The following ABLIM1 variants were observed in gnomAD, a reference collection of about 807,000 sequenced individuals.
ABLIM1 encodes the protein actin-binding LIM protein 1.
ABLIM1 carries 40 observed loss-of-function variants against 107.0 expected under a neutral mutation model. That is an observed-to-expected ratio of 0.37 (90% confidence interval 0.29 to 0.49). The LOEUF (loss-of-function observed/expected upper bound fraction) is 0.49, where lower values mean the gene tolerates loss of function less well. Among genes scored for constraint, ABLIM1 ranks in the 20% least tolerant of loss-of-function variants. The pLI is 0.97. For synonymous variants in ABLIM1, 357 were observed against 357.3 expected (o/e 1.00, Z 0.01); for missense variants, 857 against 1,008.5 (o/e 0.85, Z 2.04).
rs990587967 is a variant in ABLIM1, at chr10:114,718,788, A to T, written c.-213+49273T>A. Among the ~76,000 whole-genome samples the T allele has an allele frequency of 9.2e-5, 14 of 152,362 alleles. No individual in the cohort carries two copies. The East Asian group carries it at 2.7e-3, about 29-fold the overall frequency. On this transcript the variant is annotated intron_variant, in intron 1 of 15. Transcript: ENST00000651092. Reference sequence around the variant, plus strand: ...CTTCGTATCACTCAATATTAATTTAATATAAATTCCACAACAACAACAAAA... The same window carrying T: ...CTTCGTATCACTCAATATTAATTTATTATAAATTCCACAACAACAACAAAA...
chr10:114,460,914 C>T (rs954180777), intron 12 of ABLIM1, among the ~76,000 whole-genome samples: 1 of 152,166 alleles, frequency 6.6e-6, no homozygotes, highest in Non-Finnish European at 1.5e-5. Context: ...AACTGTGTAA[C>T]TTTATAGGGC....
chr10:114,492,161 T>G (rs1196814600), intron 6 of ABLIM1, among the ~76,000 whole-genome samples: 1 of 151,824 alleles, frequency 6.6e-6, no homozygotes, highest in African/African-American at 2.4e-5. Context: ...TGGCTGCCAC[T>G]AACACACCAT....
At chr10:114,725,945 G>A (rs889880921) in intron 1 of ABLIM1, among the ~76,000 whole-genome samples, 1 of 151,868 alleles carries the variant, frequency 6.6e-6, no homozygotes, top group African/African-American at 2.4e-5. Flanking sequence ...ATGGGGTCTC[G>A]CTATTTGGCC....
At chr10:114,768,443 T>C (rs1377396375), upstream of ABLIM1, among the ~76,000 whole-genome samples, 3 of 151,804 alleles carry the variant, frequency 2.0e-5, no homozygotes, top group Non-Finnish European at 2.9e-5. Context: ...GTCTTCTTAA[T>C]AAGAAGAAAA....
At chr10:114,476,271 A>G (rs1461076499) in intron 8 of ABLIM1, among the ~76,000 whole-genome samples, 2 of 152,166 alleles carry the variant, frequency 1.3e-5, no homozygotes, top group Non-Finnish European at 2.9e-5. Flanking sequence ...AGTTATACCA[A>G]TCACAGGCAT....
rs1295009416 is a variant in ABLIM1, at chr10:114,437,833, T to A, written c.2223+11A>T. On this transcript the variant is annotated intron_variant, in intron 22 of 22. Transcript: ENST00000533213. Reference sequence around the variant, plus strand: ...CTGCAGTTGGGACTGGATTTTTCGGTTTTGTTTTACCTCCAGCCTGGTTCT... The same window carrying A: ...CTGCAGTTGGGACTGGATTTTTCGGATTTGTTTTACCTCCAGCCTGGTTCT... 5.6e-6 allele frequency: 9 copies of A among 1,613,240 alleles called. No homozygotes were observed. The South Asian group carries it at 7.7e-5, about 14-fold the overall frequency.
In ABLIM1 at chr10:114,658,100, C is replaced by T. The variant is rs2079613425; in HGVS notation, c.101G>A (p.Arg34Lys). 1 of 1,614,078 alleles carries T rather than the reference C, an allele frequency of 6.2e-7. No individual in the cohort carries two copies. The highest frequency in any genetic ancestry group is 8.5e-7 in the Non-Finnish European group (1 of 1,180,038). Residue 34 changes from arginine to lysine, a missense_variant, in exon 1 of 23, where the codon AGA (arginine) becomes AAA (lysine). Around this residue, in one of 5 missense-constraint regions of ABLIM1, gnomAD observed 176 missense variants for 173.5 expected, o/e 1.01. Transcript: ENST00000533213. ...CCGGTCCTCAACAATCAGTCTCTTTCTGTTCGAGCCCCTGGCACTGGTTCT... is the reference window on the plus strand; with the variant it reads ...CCGGTCCTCAACAATCAGTCTCTTTTTGTTCGAGCCCCTGGCACTGGTTCT... ...SERTSARGSN[R>K]KRLIVEDRRV... is the part of the protein sequence containing the mutation.
chr10:114,791,401 G>A, the ABLIM1 span, among the ~76,000 whole-genome samples: 50 of 152,290 alleles, frequency 3.3e-4, no homozygotes, highest in African/African-American at 1.1e-3. Context: ...CACTTTGGGA[G>A]GCCAAAGCCG....
At chr10:114,678,639 A>C (rs1374875848) in intron 1 of ABLIM1, among the ~76,000 whole-genome samples, 1 of 152,202 alleles carries the variant, frequency 6.6e-6, no homozygotes, top group Non-Finnish European at 1.5e-5. Flanking sequence ...CAAAGACTCA[A>C]ATATTTACTA....
chr10:114,486,991 A>C (rs1182595415), intron 8 of ABLIM1, among the ~76,000 whole-genome samples: 1 of 152,240 alleles, frequency 6.6e-6, no homozygotes, highest in Non-Finnish European at 1.5e-5. Flanking sequence ...GGATCTGAAA[A>C]AAGGCAGAGC....
intron 1 of ABLIM1, among the ~76,000 whole-genome samples, chr10:114,614,894 T>C (rs188005275): frequency 1.6e-4 from 24 of 151,480 alleles, no homozygotes; most frequent in African/African-American, 5.6e-4. Flanking sequence ...CTACTAAAAA[T>C]ACAAAATTAG....
intron 1 of ABLIM1, among the ~76,000 whole-genome samples, chr10:114,635,887 C>T (rs899474451): frequency 6.6e-6 from 1 of 152,174 alleles, no homozygotes; most frequent in Non-Finnish European, 1.5e-5. Context: ...CCAAAAGAAA[C>T]CTGGAGAATG....
intron 19 of ABLIM1, among the ~76,000 whole-genome samples, chr10:114,440,470 C>T (rs2060029640): frequency 6.6e-6 from 1 of 151,436 alleles, no homozygotes; most frequent in Non-Finnish European, 1.5e-5. Flanking sequence ...TTTTAAGAGA[C>T]AGTCTTGCTC....
intron 12 of ABLIM1, among the ~76,000 whole-genome samples, chr10:114,461,780 T>C (rs753472436): frequency 2.6e-5 from 4 of 151,858 alleles, no homozygotes; most frequent in Admixed American, 6.6e-5. Flanking sequence ...GTTTGCACCA[T>C]TGTACTCCAG....
At chr10:114,631,790 C>A in intron 1 of ABLIM1, 7 of 1,159,968 alleles carry the variant, frequency 6.0e-6, no homozygotes, top group Non-Finnish European at 7.9e-6. Flanking sequence ...GCTTCTCACA[C>A]CGAGAACATG....
intron 1 of ABLIM1, among the ~76,000 whole-genome samples, chr10:114,738,174 A>G (rs1040423294): frequency 3.3e-5 from 5 of 152,054 alleles, no homozygotes; most frequent in African/African-American, 1.2e-4. Context: ...TCAGCCTCCC[A>G]AGTAGCTGGG....
At chr10:114,600,092 T>C (rs889125839) in intron 2 of ABLIM1, among the ~76,000 whole-genome samples, 6 of 152,146 alleles carry the variant, frequency 3.9e-5, no homozygotes, top group African/African-American at 1.4e-4. Context: ...AAGTTTCATA[T>C]GGTCTAGTCT....
At chr10:114,748,984 T>C (rs2082449105) in intron 1 of ABLIM1, among the ~76,000 whole-genome samples, 1 of 152,134 alleles carries the variant, frequency 6.6e-6, no homozygotes, top group Non-Finnish European at 1.5e-5. Context: ...GCGGCTGAGA[T>C]TTTTGACAGC....
At chr10:114,589,217 G>GTGTGTGT (rs1555191683) in intron 2 of ABLIM1, among the ~76,000 whole-genome samples, 1 of 136,172 alleles carries the variant, frequency 7.3e-6, no homozygotes, top group African/African-American at 2.7e-5. Context: ...GTGTGTGTGT[G>GTGTGTGT]TTTTTTTTTT....
Sources: allele counts gnomAD v4.1 joint callset (sites outside exome capture counted in the v4.1 genomes callset), GRCh38; gene constraint gnomAD v4.1.1; regional missense constraint gnomAD v4.1.1; transcripts MANE v1.5; gene names NCBI Gene and HGNC (gene_info 2026-07-23, HGNC 2026-07-21).